PRRX1: variants seen among roughly 807,000 people sequenced by gnomAD.
PRRX1 encodes paired mesoderm homeobox protein 1.
A neutral mutation model predicts 24.0 loss-of-function variants in PRRX1; 8 were observed. The ratio of observed to expected loss-of-function variants is 0.33; its 90% CI spans 0.20 to 0.60. PRRX1 has a LOEUF of 0.60. PRRX1 is among the 20% of genes least tolerant of loss of function. The probability of loss-of-function intolerance (pLI) is 0.82; values close to 1 mark genes in which losing one functional copy is unlikely to be tolerated. For missense variants in PRRX1, 281 were observed against 322.4 expected (o/e 0.87, Z 0.98); for synonymous variants, 160 against 131.7 (o/e 1.22, Z -1.47).
chr1:170,734,934 C>A (rs988849771), intron 3 of PRRX1, among the ~76,000 whole-genome samples: 9 of 152,094 alleles, frequency 5.9e-5, no homozygotes, highest in African/African-American at 2.2e-4. Flanking sequence ...CCCAGAACCA[C>A]AAAGTCTTAT....
rs1655712104 is a variant in PRRX1 at position 170,739,034 on chromosome 1, G to T, written c.*2848G>T. The T allele has an allele frequency of 4.6e-6, 1 of 219,652 alleles. No homozygotes were observed. The highest frequency in any genetic ancestry group is 6.7e-5 in the East Asian group (1 of 14,954). The allele number at this position is 219,652 out of a possible 1,614,324, so 13.6% of individuals were successfully genotyped here. A position where few individuals can be genotyped will look rare whatever the true frequency, so the allele number is the denominator to read the frequency against. ...TATCAAATTTTTAAAATACAAGTTTGGTATGTGATTTGGAAAAGATGCCTT... is the reference window on the plus strand; with the variant it reads ...TATCAAATTTTTAAAATACAAGTTTTGTATGTGATTTGGAAAAGATGCCTT... On this transcript the variant is annotated 3_prime_UTR_variant, in exon 4 of 4. Transcript: ENST00000239461.
chr1:170,726,501 G>T, intron 3 of PRRX1, 100 bp downstream of exon 3: 1 of 1,390,680 alleles, frequency 7.2e-7, no homozygotes, highest in Non-Finnish European at 1.0e-6. Context: ...ATTTCTTACT[G>T]GGTTAATCTC....
Position 170,728,314 on chromosome 1 carries a change from G to A in PRRX1, c.599+1913G>A, listed in dbSNP as rs950158414. On this transcript the variant is annotated intron_variant, in intron 3 of 3. Coordinates refer to ENST00000239461, the MANE Select transcript of PRRX1 (RefSeq NM_022716.4). ...TGGACATCTAACTGAAATTATTAAC[G>A]TGGCAATTTATGCGTGCCTTTTTTG... 3.9e-5 allele frequency: 6 copies of A among 152,124 alleles called. 1 individual carries two copies. The highest frequency in any genetic ancestry group is 8.8e-5 in the Non-Finnish European group (6 of 68,014). 9.4% of individuals were successfully genotyped at this position (152,124 alleles called of 1,614,324 possible).
Position 170,726,373 on chromosome 1 carries a change from C to T in PRRX1, c.571C>T (p.Leu191Phe). The T allele has an allele frequency of 6.2e-7, 1 of 1,614,124 alleles. No homozygotes were observed. The highest frequency in any genetic ancestry group is 2.2e-5 in the East Asian group (1 of 44,874). ...TCCTGCTCCGAGACCCACCGATTAT[C>T]TCTCCTGGGGGACAGCGTCTCCGTA... ...PRPAPRPTDYLSWGTASPYSA... is the reference protein window; with the variant it reads ...PRPAPRPTDYFSWGTASPYSA... Residue 191 changes from leucine to phenylalanine, a missense_variant, in exon 3 of 4, where the codon CTC (leucine) becomes TTC (phenylalanine). Physicochemically the swap from Leu to Phe is conservative, Grantham distance 22. Coordinates refer to ENST00000239461, the MANE Select transcript of PRRX1 (RefSeq NM_022716.4).
At chr1:170,680,052 T>C (rs926427312) in intron 1 of PRRX1, among the ~76,000 whole-genome samples, 2 of 152,218 alleles carry the variant, frequency 1.3e-5, no homozygotes, top group African/African-American at 2.4e-5. Flanking sequence ...AAATGTATCA[T>C]TTAAAGACAA....
chr1:170,689,994 T>G (rs577157677), intron 1 of PRRX1, among the ~76,000 whole-genome samples: 1 of 151,862 alleles, frequency 6.6e-6, no homozygotes, highest in East Asian at 1.9e-4. Context: ...GCATTCCTCA[T>G]CTGTATGAAA....
chr1:170,712,796 G>T (rs368388194), intron 1 of PRRX1, among the ~76,000 whole-genome samples: 7 of 152,136 alleles, frequency 4.6e-5, no homozygotes, highest in Non-Finnish European at 1.0e-4. Flanking sequence ...TGAGAACAAA[G>T]GTTGTTCTTA....
At chr1:170,695,911 C>A (rs1654151917) in intron 1 of PRRX1, among the ~76,000 whole-genome samples, 1 of 152,028 alleles carries the variant, frequency 6.6e-6, no homozygotes, top group African/African-American at 2.4e-5. Context: ...ATGCTTGGAG[C>A]AATTTAGGAT....
At chr1:170,666,768 C>T (rs1571309148) in intron 1 of PRRX1, among the ~76,000 whole-genome samples, 1 of 152,066 alleles carries the variant, frequency 6.6e-6, no homozygotes, top group East Asian at 1.9e-4. Flanking sequence ...AAAATTGTAC[C>T]GGTTGTTTGG....
At chr1:170,724,460 A>G (rs371599115) in intron 2 of PRRX1, among the ~76,000 whole-genome samples, 1 of 152,280 alleles carries the variant, frequency 6.6e-6, no homozygotes, top group African/African-American at 2.4e-5. Context: ...TAATTTTTGT[A>G]TATGGTGTAA....
chr1:170,734,476 C>T (rs1369275565), intron 3 of PRRX1, among the ~76,000 whole-genome samples: 1 of 152,030 alleles, frequency 6.6e-6, no homozygotes, highest in Non-Finnish European at 1.5e-5. Flanking sequence ...ATTAACTAAA[C>T]TTGAATCAAG....
At chr1:170,711,021 A>G (rs1396885899) in intron 1 of PRRX1, among the ~76,000 whole-genome samples, 2 of 152,228 alleles carry the variant, frequency 1.3e-5, no homozygotes, top group East Asian at 1.9e-4. Context: ...CAAAAAAGTC[A>G]AGCTTTAAGC....
At chr1:170,694,978 A>G (rs1485545265) in intron 1 of PRRX1, among the ~76,000 whole-genome samples, 1 of 152,192 alleles carries the variant, frequency 6.6e-6, no homozygotes, top group African/African-American at 2.4e-5. Context: ...GACATAGTCT[A>G]ACAATCCGAT....
At chr1:170,699,238 T>G (rs1013122103) in intron 1 of PRRX1, among the ~76,000 whole-genome samples, 2 of 152,196 alleles carry the variant, frequency 1.3e-5, no homozygotes, top group Non-Finnish European at 2.9e-5. Flanking sequence ...GGCTGCCAAT[T>G]TCAGCACATA....
chr1:170,727,285 A>T (rs940270315), intron 3 of PRRX1: 3 of 152,226 alleles, frequency 2.0e-5, no homozygotes, highest in Non-Finnish European at 4.4e-5. Context: ...GGCTGCCAGA[A>T]GGGAAGCTGA....
At chr1:170,673,898 G>C (rs1487172180) in intron 1 of PRRX1, among the ~76,000 whole-genome samples, 1 of 152,118 alleles carries the variant, frequency 6.6e-6, no homozygotes, top group Admixed American at 6.6e-5. Context: ...CTGCACTGCT[G>C]TACCACCCTC....
intron 1 of PRRX1, among the ~76,000 whole-genome samples, chr1:170,665,211 G>A (rs891344304): frequency 2.6e-5 from 4 of 152,248 alleles, no homozygotes; most frequent in Non-Finnish European, 4.4e-5. Flanking sequence ...CTGCATCCGG[G>A]AGGCGCGAGC....
intron 1 of PRRX1, among the ~76,000 whole-genome samples, chr1:170,703,597 T>C (rs753658699): frequency 1.1e-5 from 1 of 91,634 alleles, no homozygotes; most frequent in Non-Finnish European, 2.7e-5. Flanking sequence ...TATAATAGTG[T>C]TTTTTTTTTA....
intron 1 of PRRX1, among the ~76,000 whole-genome samples, chr1:170,689,373 T>C (rs918177073): frequency 6.6e-5 from 10 of 152,148 alleles, no homozygotes; most frequent in African/African-American, 2.4e-4. Flanking sequence ...GGCTAAATGA[T>C]ATCATAGTCT....
Sources: allele counts gnomAD v4.1 joint callset (sites outside exome capture counted in the v4.1 genomes callset), GRCh38; gene constraint gnomAD v4.1.1; transcripts MANE v1.5; gene names NCBI Gene and HGNC (gene_info 2026-07-23, HGNC 2026-07-21).